The following XKR6 variants were observed in gnomAD, a reference collection of about 807,000 sequenced individuals.
The protein encoded by XKR6 is XK-related protein 6.
In XKR6, 22 loss-of-function variants were observed where a neutral mutation model predicts 56.7. The observed-to-expected ratio is 0.39, with a 90% confidence interval of 0.28 to 0.55. The LOEUF (loss-of-function observed/expected upper bound fraction) is 0.55. Ranked by LOEUF, XKR6 falls within the 20% of genes least tolerant of loss-of-function variation. The pLI is 0.66. For missense variants in XKR6, 852 were observed against 889.0 expected (o/e 0.96, Z 0.53); for synonymous variants, 524 against 387.8 (o/e 1.35, Z -4.13).
intron 1 of XKR6, among the ~76,000 whole-genome samples, chr8:11,076,638 C>G (rs560699856): frequency 6.6e-6 from 1 of 152,142 alleles, no homozygotes; most frequent in East Asian, 1.9e-4. Context: ...AGTAGCAAAG[C>G]GCCCCCAGCA....
intron 1 of XKR6, among the ~76,000 whole-genome samples, chr8:11,118,785 G>C (rs540338298): frequency 2.6e-4 from 40 of 152,222 alleles, no homozygotes; most frequent in Admixed American, 1.3e-3. Flanking sequence ...ATTTTTTGAA[G>C]GGTTTTTTGT....
At chr8:11,108,941 A>G (rs932313529) in intron 1 of XKR6, 4 of 152,330 alleles carry the variant, frequency 2.6e-5, no homozygotes, top group Admixed American at 1.3e-4. Flanking sequence ...AAATAAAAAG[A>G]ACCATTGTTT....
chr8:10,908,524 G>C (rs1800247990), intron 2 of XKR6, among the ~76,000 whole-genome samples: 1 of 152,002 alleles, frequency 6.6e-6, no homozygotes, highest in Non-Finnish European at 1.5e-5. Context: ...TGGCTCCTCA[G>C]ACATGCTCCA....
intron 1 of XKR6, among the ~76,000 whole-genome samples, chr8:11,143,033 C>G (rs2116942471): frequency 6.6e-6 from 1 of 152,292 alleles, no homozygotes; most frequent in East Asian, 1.9e-4. Flanking sequence ...CCTAAATAAA[C>G]TCAACAACCA....
chr8:11,145,102 C>T (rs1057011463), intron 1 of XKR6, among the ~76,000 whole-genome samples: 3 of 151,798 alleles, frequency 2.0e-5, no homozygotes, highest in Admixed American at 2.0e-4. Flanking sequence ...AAATGCAAAA[C>T]CTAAAATGCT....
chr8:10,942,257 T>G (rs1801406469), intron 1 of XKR6, among the ~76,000 whole-genome samples: 1 of 152,176 alleles, frequency 6.6e-6, no homozygotes, highest in East Asian at 1.9e-4. Flanking sequence ...TCCACCCACA[T>G]GGTCACACTC....
intron 1 of XKR6, among the ~76,000 whole-genome samples, chr8:11,071,605 A>G (rs1207626108): frequency 5.6e-5 from 8 of 143,926 alleles, no homozygotes; most frequent in East Asian, 4.1e-4. Flanking sequence ...CGAGTCTATC[A>G]GCCCCGAGTC....
chr8:11,024,667 G>C lies in XKR6; in HGVS notation c.765-99837C>G, dbSNP rs545642821. Among the ~76,000 whole-genome samples, 160 of 152,306 alleles carry C rather than the reference G, an allele frequency of 1.1e-3. 1 individual carries two copies. Among genetic ancestry groups the C allele is most frequent in the African/African-American group, 3.7e-3 (153 of 41,554 alleles). On this transcript the variant is annotated intron_variant, in intron 1 of 2. Transcript: ENST00000416569. ...ACCCTGACTATTTTGAGGCAACCTTGCTCCCACATTTCCACCATCTGTTGA... is the reference window on the plus strand; with the variant it reads ...ACCCTGACTATTTTGAGGCAACCTTCCTCCCACATTTCCACCATCTGTTGA...
chr8:11,014,922 C>G (rs1798584504), intron 1 of XKR6, among the ~76,000 whole-genome samples: 1 of 152,218 alleles, frequency 6.6e-6, no homozygotes, highest in African/African-American at 2.4e-5. Flanking sequence ...AAAGCTATGT[C>G]TTCATCAGAA....
At chr8:11,006,709 G>C (rs1798377157) in intron 1 of XKR6, among the ~76,000 whole-genome samples, 1 of 152,166 alleles carries the variant, frequency 6.6e-6, no homozygotes, top group Non-Finnish European at 1.5e-5. Flanking sequence ...AGCTAAGTGG[G>C]CCATTACAAA....
Position 10,943,628 on chromosome 8 carries a change from C to T in XKR6, c.765-18798G>A, listed in dbSNP as rs551715343. ...TCCTCCCGTAGCTACCATTTCTGTA[C>T]CAGGCACAATGGAAGTGCTCTGCAT... On this transcript the variant is annotated intron_variant, in intron 1 of 2. Coordinates refer to ENST00000416569, the MANE Select transcript of XKR6 (RefSeq NM_173683.4). Among the ~76,000 whole-genome samples the T allele has an allele frequency of 6.6e-5, 10 of 152,322 alleles. No individual in the cohort carries two copies. In the South Asian group the frequency reaches 8.3e-4, roughly 13 times the overall value.
At chr8:11,010,977 T>C (rs747110588) in intron 1 of XKR6, among the ~76,000 whole-genome samples, 2 of 152,192 alleles carry the variant, frequency 1.3e-5, no homozygotes, top group Admixed American at 6.5e-5. Context: ...TGCCAGGTAT[T>C]TTGCTGAGCA....
rs768479596 is a variant in XKR6 at position 11,190,224 on chromosome 8, GAGA to G, written c.764+10349_764+10351del. Among the ~76,000 whole-genome samples, 337 of 109,328 alleles carry G rather than the reference GAGA, an allele frequency of 3.1e-3. 2 individuals carry two copies. Among genetic ancestry groups the G allele is most frequent in the African/African-American group, 0.01 (286 of 27,526 alleles). The allele number at this position is 109,328 out of a possible 152,430, so 71.7% of individuals were successfully genotyped here. ...GAAAGAAAAGAAAGAAAGAAAGAAA[GAGA>G]AAAGAAAAAAGAAAAAAGAAAAGAA... is the stretch of plus-strand genomic sequence containing the variant. On this transcript the variant is annotated intron_variant, in intron 1 of 2. Transcript: ENST00000416569.
At chr8:11,178,252 G>A (rs1320316790) in intron 1 of XKR6, among the ~76,000 whole-genome samples, 1 of 152,104 alleles carries the variant, frequency 6.6e-6, no homozygotes, top group Non-Finnish European at 1.5e-5. Flanking sequence ...GTCTACTCTA[G>A]ACAATCAGCT....
chr8:11,077,292 G>A (rs1463720999), intron 1 of XKR6, among the ~76,000 whole-genome samples: 1 of 152,176 alleles, frequency 6.6e-6, no homozygotes, highest in Non-Finnish European at 1.5e-5. Flanking sequence ...GTGTGGCCTT[G>A]GGAGACTCAT....
chr8:11,102,265 CT>C (rs2129176359), intron 1 of XKR6, among the ~76,000 whole-genome samples: 1 of 152,284 alleles, frequency 6.6e-6, no homozygotes, highest in African/African-American at 2.4e-5. Flanking sequence ...CCCATGAGCT[CT>C]CCCATATTCA....
At chr8:11,088,542 C>T (rs902425758) in intron 1 of XKR6, among the ~76,000 whole-genome samples, 1 of 152,158 alleles carries the variant, frequency 6.6e-6, no homozygotes, top group African/African-American at 2.4e-5. Flanking sequence ...AATGAAAGGG[C>T]TGAATGGCCA....
intron 1 of XKR6, chr8:11,174,978 A>T (rs1043473394): frequency 6.6e-6 from 1 of 152,202 alleles, no homozygotes; most frequent in African/African-American, 2.4e-5. Flanking sequence ...TACTTTATAA[A>T]ATCACAGGGG....
In XKR6 at chr8:10,988,987, C is replaced by T. The variant is rs148189386; in HGVS notation, c.765-64157G>A. Among the ~76,000 whole-genome samples the T allele has an allele frequency of 3.6e-3, 552 of 152,312 alleles. 6 individuals carry two copies. Among genetic ancestry groups the T allele is most frequent in the African/African-American group, 0.013 (530 of 41,568 alleles). Reference sequence around the variant, plus strand: ...GGACACATAAAATACTTGCTTGACACGAGCAATAGATTCCGTTCCAACAAT... The same window carrying T: ...GGACACATAAAATACTTGCTTGACATGAGCAATAGATTCCGTTCCAACAAT... On this transcript the variant is annotated intron_variant, in intron 1 of 2. Transcript: ENST00000416569.
Sources: gnomAD v4.1 joint callset for allele counts (sites outside exome capture counted in the v4.1 genomes callset) on GRCh38, gnomAD v4.1.1 for gene constraint, MANE v1.5 for transcripts, NCBI Gene and HGNC (gene_info 2026-07-23, HGNC 2026-07-21) for gene names.